The following PTBP2 variants were observed in gnomAD, a reference collection of about 807,000 sequenced individuals.
The protein encoded by PTBP2 is polypyrimidine tract binding protein 2.
In PTBP2, 13 loss-of-function variants were observed where a neutral mutation model predicts 61.4. That is an observed-to-expected ratio of 0.21 (90% CI 0.14 to 0.34). The LOEUF is 0.34. Ranked by LOEUF, PTBP2 falls within the 10% of genes least tolerant of loss-of-function variation. The pLI is 1.00. For missense variants in PTBP2, 405 were observed against 642.6 expected (o/e 0.63, Z 4.00); for synonymous variants, 215 against 218.5 (o/e 0.98, Z 0.14).
At chr1:96,749,241 G>T (rs924762997) in intron 2 of PTBP2, among the ~76,000 whole-genome samples, 25 of 152,180 alleles carry the variant, frequency 1.6e-4, no homozygotes, top group African/African-American at 5.8e-4. Context: ...CCCACCTATC[G>T]TCTTCCAAAG....
intron 8 of PTBP2, among the ~76,000 whole-genome samples, chr1:96,791,776 T>C (rs1659823733): frequency 1.3e-5 from 2 of 151,648 alleles, no homozygotes; most frequent in South Asian, 2.1e-4. Context: ...TCAAAAATTA[T>C]TAACTTAATA....
chr1:96,761,661 G>C (rs1196990205), intron 3 of PTBP2, among the ~76,000 whole-genome samples: 1 of 152,104 alleles, frequency 6.6e-6, no homozygotes, highest in African/African-American at 2.4e-5. Context: ...ATTAACAAAG[G>C]GGGAAAAGTA....
At chr1:96,788,405 G>A (rs532311759) in intron 8 of PTBP2, among the ~76,000 whole-genome samples, 1 of 152,114 alleles carries the variant, frequency 6.6e-6, no homozygotes, top group South Asian at 2.1e-4. Context: ...TACGTTTGGT[G>A]AATATTTTGA....
At position 96,763,037 on chromosome 1, in the gene PTBP2, C is replaced by T. The variant is rs540899938; in HGVS notation, c.116-6666C>T. On this transcript the variant is annotated intron_variant, in intron 3 of 13. Transcript: ENST00000674951. The stretch of plus-strand genomic sequence containing the variant: ...AGATGGGATGGCGGCCGGGAAGAGG[C>T]GCTCCTCACTTCCTAGATGGGATGG... 4.9e-3 allele frequency among the ~76,000 whole-genome samples: 747 copies of T among 151,450 alleles called. 4 individuals are homozygous for T. The highest frequency in any genetic ancestry group is 0.017 in the African/African-American group (719 of 41,254).
At chr1:96,751,879 A>G (rs1201502580) in intron 3 of PTBP2, among the ~76,000 whole-genome samples, 1 of 152,062 alleles carries the variant, frequency 6.6e-6, no homozygotes, top group Non-Finnish European at 1.5e-5. Context: ...CCAAATTTTA[A>G]GTAAAAACCG....
chr1:96,736,539 A>T (rs1362891904), intron 2 of PTBP2, among the ~76,000 whole-genome samples: 2 of 152,174 alleles, frequency 1.3e-5, no homozygotes, highest in Non-Finnish European at 2.9e-5. Flanking sequence ...TCTTCTACTT[A>T]ATTGAAAAAT....
chr1:96,790,604 G>T (rs1263243405), intron 8 of PTBP2, among the ~76,000 whole-genome samples: 1 of 152,040 alleles, frequency 6.6e-6, no homozygotes, highest in Non-Finnish European at 1.5e-5. Flanking sequence ...AATTCAATTT[G>T]TGCAGGACAA....
chr1:96,803,785 C>CT (rs1557773189), intron 8 of PTBP2, among the ~76,000 whole-genome samples: 1 of 152,074 alleles, frequency 6.6e-6, no homozygotes, highest in African/African-American at 2.4e-5. Flanking sequence ...AACAAGAGTG[C>CT]TAAGGGCCTG....
intron 8 of PTBP2, among the ~76,000 whole-genome samples, chr1:96,800,694 A>G (rs1026614040): frequency 1.3e-5 from 2 of 152,194 alleles, no homozygotes; most frequent in Non-Finnish European, 2.9e-5. Flanking sequence ...TGATCATGCC[A>G]CTGCACTCTA....
At chr1:96,767,815 TTGTC>T (rs1258686082) in intron 3 of PTBP2, among the ~76,000 whole-genome samples, 2 of 152,114 alleles carry the variant, frequency 1.3e-5, no homozygotes, top group Non-Finnish European at 2.9e-5. Context: ...ACACAAATCT[TTGTC>T]AGTAGTGAAA....
intron 8 of PTBP2, among the ~76,000 whole-genome samples, chr1:96,790,735 A>G (rs1659700626): frequency 6.6e-6 from 1 of 152,182 alleles, no homozygotes; most frequent in African/African-American, 2.4e-5. Flanking sequence ...TGTCTGCTTT[A>G]AACTTTTGAA....
intron 5 of PTBP2, 185 bp downstream of exon 5, chr1:96,771,036 T>C (rs984101574): frequency 1.3e-5 from 6 of 468,052 alleles, no homozygotes; most frequent in African/African-American, 1.0e-4. Context: ...ATTCCTTTAA[T>C]CCCCTGGTCA....
intron 3 of PTBP2, among the ~76,000 whole-genome samples, chr1:96,761,433 T>C (rs1570831366): frequency 6.6e-6 from 1 of 151,872 alleles, no homozygotes; most frequent in African/African-American, 2.4e-5. Context: ...GAATTTTTGT[T>C]CCATTTGTAT....
intron 8 of PTBP2, among the ~76,000 whole-genome samples, chr1:96,790,245 C>T (rs1659643110): frequency 6.6e-6 from 1 of 150,828 alleles, no homozygotes; most frequent in Non-Finnish European, 1.5e-5. Context: ...AAGTTAGTTC[C>T]AAAGGCTTGA....
At chr1:96,791,826 C>CTTTTTTTTTTTTTTTTTTTT (rs1163642886) in intron 8 of PTBP2, among the ~76,000 whole-genome samples, 18 of 66,098 alleles carry the variant, frequency 2.7e-4, no homozygotes, top group African/African-American at 4.1e-4. Flanking sequence ...TGGAGTTGTG[C>CTTTTTTTTTTTTTTTTTTTT]TTTTTTTTTT....
intron 3 of PTBP2, among the ~76,000 whole-genome samples, chr1:96,765,424 A>C (rs373317766): frequency 2.6e-5 from 4 of 152,278 alleles, no homozygotes; most frequent in East Asian, 3.9e-4. Context: ...ATTATATGAG[A>C]AAGTAGGCCA....
At chr1:96,788,512 A>G (rs986345286) in intron 8 of PTBP2, among the ~76,000 whole-genome samples, 1 of 152,034 alleles carries the variant, frequency 6.6e-6, no homozygotes, top group African/African-American at 2.4e-5. Flanking sequence ...TAATAACTGA[A>G]TCTTTTCTTC....
chr1:96,789,414 ATAGT>A (rs1383873005), intron 8 of PTBP2, among the ~76,000 whole-genome samples: 2 of 152,080 alleles, frequency 1.3e-5, no homozygotes, highest in Non-Finnish European at 2.9e-5. Context: ...CAGGCTGAGA[ATAGT>A]TAAAGAGTGG....
intron 8 of PTBP2, among the ~76,000 whole-genome samples, chr1:96,802,185 T>G (rs1351167610): frequency 8.3e-6 from 1 of 120,874 alleles, no homozygotes; most frequent in African/African-American, 3.3e-5. Context: ...CACTCCAACC[T>G]GAGAGACACA....
Sources: allele counts gnomAD v4.1 joint callset (sites outside exome capture counted in the v4.1 genomes callset), GRCh38; gene constraint gnomAD v4.1.1; transcripts MANE v1.5; gene names NCBI Gene and HGNC (gene_info 2026-07-23, HGNC 2026-07-21).